The following SCAPER variants were observed in gnomAD, a reference collection of about 807,000 sequenced individuals.
SCAPER encodes the protein S phase cyclin A-associated protein in the endoplasmic reticulum.
Under a neutral mutation model 182.2 loss-of-function variants are expected in SCAPER, and 98 were observed. The ratio of observed to expected loss-of-function variants is 0.54; its 90% CI spans 0.46 to 0.64. The LOEUF is 0.64. Among genes scored for constraint, SCAPER ranks in the 30% least tolerant of loss-of-function variants. The pLI, the probability that SCAPER is intolerant of heterozygous loss-of-function variation, is 0.00. For synonymous variants in SCAPER, 605 were observed against 564.6 expected (o/e 1.07, Z -1.01); for missense variants, 1,432 against 1,690.0 (o/e 0.85, Z 2.68).
intron 8 of SCAPER, among the ~76,000 whole-genome samples, chr15:76,784,209 C>T (rs979340931): frequency 2.6e-5 from 4 of 152,102 alleles, no homozygotes; most frequent in East Asian, 1.9e-4. Context: ...AATCAAGGTG[C>T]GAAAACCACA....
At chr15:76,756,305 G>C (rs8043385) in intron 14 of SCAPER, among the ~76,000 whole-genome samples, 11,615 of 149,084 alleles carry the variant, frequency 0.078, 505 homozygotes, top group Middle Eastern at 0.11. Flanking sequence ...GGCCAGGTAT[G>C]ATGGCTCATG....
At chr15:76,860,317 G>T (rs1273765968) in intron 3 of SCAPER, among the ~76,000 whole-genome samples, 1 of 152,086 alleles carries the variant, frequency 6.6e-6, no homozygotes, top group East Asian at 1.9e-4. Context: ...AAGAAATGAA[G>T]TAATAGCTCC....
At chr15:76,524,674 G>A (rs1302661640) in intron 23 of SCAPER, among the ~76,000 whole-genome samples, 3 of 79,416 alleles carry the variant, frequency 3.8e-5, no homozygotes, top group African/African-American at 9.7e-5. Flanking sequence ...TTCTGGAGTT[G>A]TGTTTTTTTG....
chr15:76,849,141 C>T (rs1429624129), intron 4 of SCAPER, among the ~76,000 whole-genome samples: 3 of 152,130 alleles, frequency 2.0e-5, no homozygotes, highest in African/African-American at 2.4e-5. Context: ...CAACTCCCTG[C>T]TCCCCAACAA....
At chr15:76,763,727 T>C (rs552020580) in intron 14 of SCAPER, among the ~76,000 whole-genome samples, 1 of 152,312 alleles carries the variant, frequency 6.6e-6, no homozygotes, top group South Asian at 2.1e-4. Context: ...TTCTTCTGCT[T>C]CACTGAGTCT....
rs1410296345 is a variant in SCAPER, at chr15:76,494,191, TATG to T, written c.2954+10665_2954+10667del. ...TCTGTTACTTATAAGAAGTAAATTC[TATG>T]ATAAGTTCACTCCACATTTGCTGGC... On this transcript the variant is annotated intron_variant, in intron 24 of 31. Coordinates refer to ENST00000563290, the MANE Select transcript of SCAPER (RefSeq NM_020843.4). 1.8e-4 allele frequency among the ~76,000 whole-genome samples: 28 copies of T among 152,240 alleles called. 1 individual carries two copies. The highest frequency in any genetic ancestry group is 6.8e-4 in the African/African-American group (28 of 41,466).
intron 22 of SCAPER, among the ~76,000 whole-genome samples, chr15:76,578,263 G>A (rs900534853): frequency 1.3e-5 from 2 of 152,080 alleles, no homozygotes; most frequent in African/African-American, 2.4e-5. Flanking sequence ...GGACCTGCTC[G>A]GGCCAGGCAG....
intron 27 of SCAPER, among the ~76,000 whole-genome samples, chr15:76,383,107 CACACACACACACCT>C (rs1287042331): frequency 4.0e-4 from 32 of 79,110 alleles, no homozygotes; most frequent in Non-Finnish European, 9.1e-4. Flanking sequence ...TGTGTAAATA[CACACACACACACCT>C]ACACACACAT....
At chr15:76,483,598 A>G (rs1278402244) in intron 24 of SCAPER, among the ~76,000 whole-genome samples, 3 of 152,170 alleles carry the variant, frequency 2.0e-5, no homozygotes, top group Non-Finnish European at 2.9e-5. Flanking sequence ...TGGAAAACAC[A>G]TATCTGATAA....
intron 23 of SCAPER, among the ~76,000 whole-genome samples, chr15:76,527,842 T>G (rs933491147): frequency 6.6e-6 from 1 of 152,218 alleles, no homozygotes; most frequent in Admixed American, 6.5e-5. Flanking sequence ...TTTATTTTTA[T>G]TTTTTATGTA....
At chr15:76,383,251 C>CA (rs1489904359) in intron 27 of SCAPER, among the ~76,000 whole-genome samples, 2 of 152,172 alleles carry the variant, frequency 1.3e-5, no homozygotes, top group African/African-American at 4.8e-5. Context: ...TAGAAGCACT[C>CA]AAGAGGTGTC....
At chr15:76,623,954 T>A (rs2052343302) in intron 21 of SCAPER, among the ~76,000 whole-genome samples, 1 of 152,160 alleles carries the variant, frequency 6.6e-6, no homozygotes, top group Non-Finnish European at 1.5e-5. Flanking sequence ...AATACCATAG[T>A]TGATGGGCCA....
intron 20 of SCAPER, among the ~76,000 whole-genome samples, chr15:76,680,414 A>ATG (rs1567781441): frequency 0.017 from 194 of 11,614 alleles, 2 homozygotes; most frequent in African/African-American, 0.026. Flanking sequence ...TGATGATGAT[A>ATG]ATAATAATAA....
At chr15:76,780,051 G>C (rs2064010675) in intron 8 of SCAPER, among the ~76,000 whole-genome samples, 1 of 152,182 alleles carries the variant, frequency 6.6e-6, no homozygotes. Flanking sequence ...GCCCACAAAA[G>C]GCGAGCCAAA....
intron 23 of SCAPER, among the ~76,000 whole-genome samples, chr15:76,540,499 G>GA (rs1292897173): frequency 1.6e-4 from 25 of 151,772 alleles, no homozygotes; most frequent in African/African-American, 5.8e-4. Context: ...TTAGTGAAAA[G>GA]AAAAAACTAT....
chr15:76,795,623 G>C (rs565423665), intron 7 of SCAPER, among the ~76,000 whole-genome samples, 183 bp from the exon 8 acceptor site: 1 of 152,170 alleles, frequency 6.6e-6, no homozygotes, highest in East Asian at 1.9e-4. Flanking sequence ...ACTTCATTAA[G>C]TTTATATAGT....
chr15:76,780,455 G>A (rs2064047555), intron 8 of SCAPER, among the ~76,000 whole-genome samples: 1 of 152,258 alleles, frequency 6.6e-6, no homozygotes. Context: ...CCAGAGCATA[G>A]CTGAACAAAA....
chr15:76,831,627 C>T (rs1178693740), intron 5 of SCAPER, among the ~76,000 whole-genome samples: 6 of 151,830 alleles, frequency 4.0e-5, no homozygotes, highest in Non-Finnish European at 7.4e-5. Context: ...GTTGCCCCAC[C>T]GCCGCACTGG....
At chr15:76,561,852 A>G (rs1166533576) in intron 23 of SCAPER, among the ~76,000 whole-genome samples, 1 of 144,226 alleles carries the variant, frequency 6.9e-6, no homozygotes, top group Non-Finnish European at 1.5e-5. Context: ...TTTAATTAAT[A>G]TGAGGCAGAG....
Sources: gnomAD v4.1 joint callset for allele counts (sites outside exome capture counted in the v4.1 genomes callset) on GRCh38, gnomAD v4.1.1 for gene constraint, MANE v1.5 for transcripts, NCBI Gene and HGNC (gene_info 2026-07-23, HGNC 2026-07-21) for gene names.